MGAT5: variants seen among roughly 807,000 people sequenced by gnomAD.
MGAT5 encodes alpha-1,6-mannosylglycoprotein 6-beta-N-acetylglucosaminyltransferase, also known as alpha-1,6-mannosylglycoprotein 6-beta-N-acetylglucosaminyltransferase A.
In MGAT5, 30 loss-of-function variants were observed where a neutral mutation model predicts 94.3. The ratio of observed to expected loss-of-function variants is 0.32; its 90% CI spans 0.24 to 0.43. The LOEUF is 0.43. MGAT5 is among the 20% of genes least tolerant of loss of function. The probability of loss-of-function intolerance (pLI) is 1.00; values close to 1 mark genes in which losing one functional copy is unlikely to be tolerated. For synonymous variants in MGAT5, 310 were observed against 322.9 expected (o/e 0.96, Z 0.43); for missense variants, 691 against 905.5 (o/e 0.76, Z 3.04).
At chr2:134,217,238 G>GTGTGTGTGTGTGT (rs1553495170) in intron 1 of MGAT5, among the ~76,000 whole-genome samples, 7 of 145,226 alleles carry the variant, frequency 4.8e-5, no homozygotes, top group African/African-American at 1.8e-4. Context: ...GAGAGAGAGT[G>GTGTGTGTGTGTGT]GTGTGTGTGT....
chr2:134,425,896 T>A (rs1477921052), intron 13 of MGAT5, among the ~76,000 whole-genome samples: 1 of 145,276 alleles, frequency 6.9e-6, no homozygotes, highest in Non-Finnish European at 1.5e-5. Flanking sequence ...TAACAGTCCT[T>A]TTTTTTTTTT....
intron 2 of MGAT5, among the ~76,000 whole-genome samples, chr2:134,282,122 ATGG>A (rs1232004570): frequency 1.8e-4 from 28 of 152,198 alleles, no homozygotes; most frequent in African/African-American, 6.5e-4. Flanking sequence ...CATGAATGAC[ATGG>A]TGATGAAGAT....
rs373862891 is a variant in MGAT5 at position 134,398,715 on chromosome 2, T to C, written c.1381-4273T>C. On this transcript the variant is annotated intron_variant, in intron 10 of 15. Coordinates refer to ENST00000281923, the MANE Select transcript of MGAT5 (RefSeq NM_002410.5). ...AGCGGATGAATGGATAAAGAAAATA[T>C]GTACATAATGGAATACGATTCGGCC... Among the ~76,000 whole-genome samples, 234 of 148,712 alleles carry C rather than the reference T, an allele frequency of 1.6e-3. 1 individual carries two copies. The highest frequency in any genetic ancestry group is 5.5e-3 in the African/African-American group (226 of 40,802).
Position 134,290,988 on chromosome 2 carries a change from C to G in MGAT5, c.406+20438C>G, listed in dbSNP as rs143525329. Among the ~76,000 whole-genome samples, 357 of 152,270 alleles carry G rather than the reference C, an allele frequency of 2.3e-3. 5 individuals are homozygous for G. Among genetic ancestry groups the G allele is most frequent in the East Asian group, 0.018 (93 of 5,186 alleles). On this transcript the variant is annotated intron_variant, in intron 2 of 15. Transcript: ENST00000281923. The stretch of plus-strand genomic sequence containing the variant: ...CAAAACAAAATACACAAAAATACCT[C>G]ACTTCAGAGAGCTTATATTCTAGCA...
intron 1 of MGAT5, among the ~76,000 whole-genome samples, chr2:134,128,604 G>C (rs1299268316): frequency 6.6e-6 from 1 of 151,866 alleles, no homozygotes; most frequent in African/African-American, 2.4e-5. Context: ...TGTCACCCAG[G>C]CTAGAGTGCA....
chr2:134,176,310 C>T (rs1400336681), intron 1 of MGAT5, among the ~76,000 whole-genome samples: 10 of 146,324 alleles, frequency 6.8e-5, no homozygotes, highest in African/African-American at 2.4e-4. Context: ...CAGTGGTTCA[C>T]GCCTGTAATC....
intron 1 of MGAT5, among the ~76,000 whole-genome samples, chr2:134,220,429 G>A (rs958625690): frequency 3.9e-5 from 6 of 152,134 alleles, no homozygotes; most frequent in African/African-American, 1.4e-4. Context: ...AAAGGAGCAG[G>A]ATGGCCCAAT....
At chr2:134,232,534 T>A (rs1681422614) in intron 1 of MGAT5, among the ~76,000 whole-genome samples, 1 of 152,152 alleles carries the variant, frequency 6.6e-6, no homozygotes, top group African/African-American at 2.4e-5. Flanking sequence ...TAGAAAACAA[T>A]TTATTTTGAA....
At chr2:134,283,165 T>C (rs1473356131) in intron 2 of MGAT5, among the ~76,000 whole-genome samples, 2 of 152,028 alleles carry the variant, frequency 1.3e-5, no homozygotes, top group Non-Finnish European at 2.9e-5. Flanking sequence ...GCTGCTGGGG[T>C]TCAAGTCTGA....
chr2:134,205,002 C>G (rs1679961562), intron 1 of MGAT5, among the ~76,000 whole-genome samples: 1 of 152,132 alleles, frequency 6.6e-6, no homozygotes, highest in African/African-American at 2.4e-5. Context: ...CATAGACCTG[C>G]AGGAAGAGTG....
chr2:134,269,988 TAAC>T (rs1264922547), intron 1 of MGAT5, among the ~76,000 whole-genome samples: 1 of 152,156 alleles, frequency 6.6e-6, no homozygotes, highest in African/African-American at 2.4e-5. Flanking sequence ...ACACGAAAAA[TAAC>T]AAACTTGATC....
intron 1 of MGAT5, among the ~76,000 whole-genome samples, chr2:134,147,603 A>C (rs1686978841): frequency 6.9e-6 from 1 of 145,354 alleles, no homozygotes; most frequent in Non-Finnish European, 1.5e-5. Flanking sequence ...AATAAAAAAA[A>C]AAAAAAAGAA....
At chr2:134,195,838 G>A (rs1679471183) in intron 1 of MGAT5, among the ~76,000 whole-genome samples, 1 of 152,214 alleles carries the variant, frequency 6.6e-6, no homozygotes, top group South Asian at 2.1e-4. Context: ...ATTGTATTAA[G>A]AAATGGACTT....
At chr2:134,399,305 T>C (rs138801976) in intron 10 of MGAT5, among the ~76,000 whole-genome samples, 1 of 152,338 alleles carries the variant, frequency 6.6e-6, no homozygotes, top group African/African-American at 2.4e-5. Flanking sequence ...GTAAATTGAA[T>C]TGTTTTTCTA....
chr2:134,287,053 G>A (rs979809803), intron 2 of MGAT5, among the ~76,000 whole-genome samples: 5 of 152,164 alleles, frequency 3.3e-5, no homozygotes, highest in African/African-American at 1.2e-4. Context: ...TTATTGAGTA[G>A]TCTCATCTCC....
At chr2:134,220,292 A>G (rs1383280097) in intron 1 of MGAT5, among the ~76,000 whole-genome samples, 2 of 152,194 alleles carry the variant, frequency 1.3e-5, no homozygotes, top group Non-Finnish European at 2.9e-5. Context: ...CCTTGGGCAC[A>G]TTCACTCCGT....
intron 1 of MGAT5, among the ~76,000 whole-genome samples, chr2:134,174,798 G>A (rs1172155257): frequency 2.6e-5 from 4 of 152,344 alleles, no homozygotes; most frequent in East Asian, 1.9e-4. Flanking sequence ...CTTGCCTAGC[G>A]TTGGGCAGAA....
At chr2:134,363,702 G>A (rs529801912) in intron 10 of MGAT5, among the ~76,000 whole-genome samples, 8 of 152,278 alleles carry the variant, frequency 5.3e-5, no homozygotes, top group South Asian at 2.1e-4. Flanking sequence ...GAAAACCCTC[G>A]GCTGGTAAGA....
chr2:134,201,291 G>A (rs1679774503), intron 1 of MGAT5, among the ~76,000 whole-genome samples: 1 of 152,136 alleles, frequency 6.6e-6, no homozygotes, highest in African/African-American at 2.4e-5. Flanking sequence ...GGGGTTGGTA[G>A]GAGCAGGAAG....
Sources: allele counts gnomAD v4.1 joint callset (sites outside exome capture counted in the v4.1 genomes callset), GRCh38; gene constraint gnomAD v4.1.1; transcripts MANE v1.5; gene names NCBI Gene and HGNC (gene_info 2026-07-23, HGNC 2026-07-21).